DNAH8: variants seen among roughly 807,000 people sequenced by gnomAD.
DNAH8 encodes axonemal beta dynein heavy chain 8.
DNAH8 carries 382 observed loss-of-function variants against 562.1 expected under a neutral mutation model. The observed-to-expected ratio is 0.68, with a 90% confidence interval of 0.63 to 0.74. The LOEUF is 0.74. DNAH8 is among the 30% of genes least tolerant of loss of function. The pLI is 0.00. For synonymous variants in DNAH8, 1,881 were observed against 1,919.4 expected, an observed-to-expected ratio of 0.98 and a Z score of 0.52; for missense variants, 5,203 against 5,620.4, an observed-to-expected ratio of 0.93 and a Z score of 2.37.
At chr6:38,900,138 G>A (rs780310166) in intron 62 of DNAH8, among the ~76,000 whole-genome samples, 2 of 152,106 alleles carry the variant, frequency 1.3e-5, no homozygotes, top group Non-Finnish European at 2.9e-5. Context: ...TCCATGTTAC[G>A]TTGCAGTCAT....
chr6:38,929,733 TAAG>T (rs774149703), intron 75 of DNAH8, 67 bp downstream of exon 75: 2 of 1,362,256 alleles, frequency 1.5e-6, no homozygotes, highest in Non-Finnish European at 1.9e-6. Context: ...AGAAAAAAAT[TAAG>T]AAAGAGAAAG....
intron 91 of DNAH8, among the ~76,000 whole-genome samples, chr6:39,022,755 C>T (rs563269105): frequency 6.6e-6 from 1 of 152,278 alleles, no homozygotes; most frequent in Non-Finnish European, 1.5e-5. Context: ...ACAGAAGGGC[C>T]TGGGAGGGAG....
intron 12 of DNAH8, among the ~76,000 whole-genome samples, chr6:38,772,369 T>TA (rs1214361958): frequency 6.6e-6 from 1 of 152,188 alleles, no homozygotes; most frequent in Non-Finnish European, 1.5e-5. Context: ...CATTTGTTAT[T>TA]ATCTGTCCTT....
chr6:38,842,413 C>T lies in DNAH8; in HGVS notation c.4512C>T (p.Thr1504=), dbSNP rs200564814. ...LLQKLYGLYD[T]VMSSISGYYE... ...AGAAGCTGTATGGATTGTATGACAC[C>T]GTAATGAGCAGTATTAGTGGTTATT... The change falls in exon 34 of 93, where the codon ACC becomes ACT. Residue 1504 remains threonine (T), a synonymous_variant. Coordinates refer to ENST00000327475, the MANE Select transcript of DNAH8 (RefSeq NM_001206927.2). The T allele has an allele frequency of 5.4e-4, 877 of 1,611,372 alleles. 1 individual carries two copies. Among genetic ancestry groups the T allele is most frequent in the Non-Finnish European group, 5.8e-4 (681 of 1,178,764 alleles).
chr6:38,718,663 T>A (rs1476074093), intron 1 of DNAH8, among the ~76,000 whole-genome samples: 2 of 152,202 alleles, frequency 1.3e-5, no homozygotes, highest in Admixed American at 1.3e-4. Context: ...CAATAGGGAT[T>A]AATCCCTGAT....
chr6:38,900,805 C>T (rs1239494899), intron 62 of DNAH8, among the ~76,000 whole-genome samples: 2 of 151,970 alleles, frequency 1.3e-5, no homozygotes, highest in Non-Finnish European at 2.9e-5. Context: ...TTAGTAGAGA[C>T]GGGGTTTCAC....
At chr6:38,729,203 A>AAAACAAACAAAC (rs79234857) in intron 3 of DNAH8, among the ~76,000 whole-genome samples, 5 of 150,338 alleles carry the variant, frequency 3.3e-5, no homozygotes, top group East Asian at 2.0e-4. Context: ...ACTCCGTCTC[A>AAAACAAACAAAC]AAACAAACAA....
chr6:38,880,897 G>A (rs1290119866), intron 53 of DNAH8, among the ~76,000 whole-genome samples: 1 of 152,000 alleles, frequency 6.6e-6, no homozygotes, highest in African/African-American at 2.4e-5. Flanking sequence ...GCGTGGTGGC[G>A]GGTGCCTGTA....
chr6:38,864,518 C>T (rs372050364), intron 45 of DNAH8, among the ~76,000 whole-genome samples: 1 of 152,198 alleles, frequency 6.6e-6, no homozygotes, highest in East Asian at 1.9e-4. Context: ...TATGTCTTTA[C>T]TCTAGTACTC....
intron 62 of DNAH8, among the ~76,000 whole-genome samples, chr6:38,902,180 G>T (rs1780122796): frequency 6.6e-6 from 1 of 152,142 alleles, no homozygotes; most frequent in African/African-American, 2.4e-5. Context: ...CTGTATTCTT[G>T]ATACCCTGGC....
rs76249323 is a variant in DNAH8, at chr6:38,737,157, G to T, written c.853G>T (p.Ala285Ser). Residue 285 changes from alanine to serine, a missense_variant, in exon 6 of 93, where the codon GCA becomes TCA. Coordinates refer to ENST00000327475, the MANE Select transcript of DNAH8 (RefSeq NM_001206927.2). Reference protein sequence around the residue: ...LANIFLPAVLATNNWGALNQS... With the variant: ...LANIFLPAVLSTNNWGALNQS... ...AAATATATTTCTACCAGCTGTTCTT[G>T]CAACAAACAACTGGGGTGCTTTAAA... 1 of 1,583,314 alleles carries T rather than the reference G, an allele frequency of 6.3e-7. No homozygotes were observed. Among genetic ancestry groups the T allele is most frequent in the Non-Finnish European group, 8.6e-7 (1 of 1,166,918 alleles).
At position 38,870,434 on chromosome 6, in the gene DNAH8, A is replaced by C. The variant is rs751699059; in HGVS notation, c.6862A>C (p.Ile2288Leu). The C allele has an allele frequency of 1.3e-5, 21 of 1,613,934 alleles. No homozygotes were observed. Among genetic ancestry groups the C allele is most frequent in the Non-Finnish European group, 1.7e-5 (20 of 1,179,942 alleles). Reference sequence around the variant, plus strand: ...AGATGAACCCCTGTTCCTCAGCTTAATCAATGACCTGTTCCCAGGACTGCA... The same window carrying C: ...AGATGAACCCCTGTTCCTCAGCTTACTCAATGACCTGTTCCCAGGACTGCA... ...DEDEPLFLSL[I>L]NDLFPGLQLD... Residue 2288 changes from isoleucine to leucine, a missense_variant, in exon 49 of 93, where the codon ATC becomes CTC. Around this residue, in one of 6 missense-constraint regions of DNAH8, gnomAD observed 2,176 missense variants for 2,365.1 expected, o/e 0.92. Transcript: ENST00000327475.
chr6:38,957,338 A>G (rs1379053918), intron 82 of DNAH8, among the ~76,000 whole-genome samples: 1 of 149,652 alleles, frequency 6.7e-6, no homozygotes, highest in Non-Finnish European at 1.5e-5. Flanking sequence ...AAAAATGTAA[A>G]TATTAATAGA....
At chr6:38,929,490 C>T in intron 74 of DNAH8, 21 bp from the exon 75 acceptor site, 1 of 1,598,126 alleles carries the variant, frequency 6.3e-7, no homozygotes, top group Non-Finnish European at 8.5e-7. Flanking sequence ...ACAGATAGAC[C>T]AATGAGTTCT....
At position 38,737,828 on chromosome 6, in the gene DNAH8, G is replaced by T; in HGVS notation, c.972G>T (p.Glu324Asp). 1 of 1,547,558 alleles carries T rather than the reference G, an allele frequency of 6.5e-7. No homozygotes were observed. The highest frequency in any genetic ancestry group is 1.4e-5 in the African/African-American group (1 of 70,806). Residue 324 changes from glutamate (E) to aspartate (D), a missense_variant, in exon 7 of 93, where the codon GAG (glutamate) becomes GAT (aspartate). By Grantham distance (45) the Glu-to-Asp change is conservative. Around this residue, in one of 6 missense-constraint regions of DNAH8, gnomAD observed 556 missense variants for 496.9 expected, o/e 1.12. Transcript: ENST00000327475. Reference protein sequence around the residue: ...SFLDGARISIEGTVKLKTIDN... With the variant: ...SFLDGARISIDGTVKLKTIDN... ...TTTTAGGTGCTAGAATAAGTATTGAGGGAACAGTGAAGTTAAAGACAATAG... is the reference window on the plus strand; with the variant it reads ...TTTTAGGTGCTAGAATAAGTATTGATGGAACAGTGAAGTTAAAGACAATAG...
At chr6:38,853,098 G>A in intron 40 of DNAH8, 88 bp from the exon 41 acceptor site, 2 of 976,804 alleles carry the variant, frequency 2.0e-6, no homozygotes, top group African/African-American at 1.6e-5. Context: ...CTTGGCATAG[G>A]GCACTATGAT....
chr6:38,911,839 G>A (rs1780928288), intron 66 of DNAH8, among the ~76,000 whole-genome samples: 1 of 152,170 alleles, frequency 6.6e-6, no homozygotes, highest in African/African-American at 2.4e-5. Flanking sequence ...GGTCCCCTGT[G>A]CTGAGTCACT....
chr6:38,864,273 A>G (rs1200465176), intron 45 of DNAH8, among the ~76,000 whole-genome samples: 1 of 152,142 alleles, frequency 6.6e-6, no homozygotes, highest in Non-Finnish European at 1.5e-5. Context: ...AGACCTACAG[A>G]GGTAATATGC....
chr6:38,951,390 A>G lies in DNAH8; in HGVS notation c.12321A>G (p.Thr4107=). ...CAGATTCTTTGGAGGAGAAGTACACAGAACCAGTTATCTTAAATCTGGAGA... is the reference window on the plus strand; with the variant it reads ...CAGATTCTTTGGAGGAGAAGTACACGGAACCAGTTATCTTAAATCTGGAGA... ...YIADSLEEKY[T]EPVILNLEKT... is the part of the protein sequence containing the mutation. The change falls in exon 82 of 93, where the codon ACA becomes ACG. Residue 4107 remains threonine (T), a synonymous_variant. Transcript: ENST00000327475. The G allele has an allele frequency of 6.2e-7, 1 of 1,614,190 alleles. No individual in the cohort carries two copies. The highest frequency in any genetic ancestry group is 8.5e-7 in the Non-Finnish European group (1 of 1,180,028).
Sources: allele counts gnomAD v4.1 joint callset (sites outside exome capture counted in the v4.1 genomes callset), GRCh38; gene constraint gnomAD v4.1.1; regional missense constraint gnomAD v4.1.1; transcripts MANE v1.5; gene names NCBI Gene and HGNC (gene_info 2026-07-23, HGNC 2026-07-21).